The following DLC1 variants were observed in gnomAD, a reference collection of about 807,000 sequenced individuals.
DLC1 encodes the protein DLC1 Rho GTPase activating protein, also known as rho GTPase-activating protein 7.
DLC1 carries 54 observed loss-of-function variants against 140.3 expected under a neutral mutation model. That is an observed-to-expected ratio of 0.38 (90% CI 0.31 to 0.48). The LOEUF is 0.48. Ranked by LOEUF, DLC1 falls within the 20% of genes least tolerant of loss-of-function variation. The pLI, the probability that DLC1 is intolerant of heterozygous loss-of-function variation, is 0.96. For missense variants in DLC1, 2,536 were observed against 1,907.0 expected, an observed-to-expected ratio of 1.33 and a Z score of -6.14; for synonymous variants, 986 against 728.1, an observed-to-expected ratio of 1.35 and a Z score of -5.70.
Position 13,411,871 on chromosome 8 carries a change from T to G in DLC1, c.1024-10252A>C, listed in dbSNP as rs373807711. Among the ~76,000 whole-genome samples the G allele has an allele frequency of 3.3e-5, 5 of 152,300 alleles. No homozygotes were observed. In the East Asian group the frequency reaches 9.6e-4, roughly 29 times the overall value. On this transcript the variant is annotated intron_variant, in intron 2 of 17. Coordinates refer to ENST00000276297, the MANE Select transcript of DLC1 (RefSeq NM_182643.3). The stretch of plus-strand genomic sequence containing the variant: ...TTATCCCTCTTCACATTTTTTTTAG[T>G]GTTTTAGGTAAATCCCAGAGACCAT...
In DLC1 at chr8:13,327,120, ATTTTTTTTT is replaced by A. The variant is rs34667525; in HGVS notation, c.1315-21827_1315-21819del. Among the ~76,000 whole-genome samples, 26 of 85,638 alleles carry A rather than the reference ATTTTTTTTT, an allele frequency of 3.0e-4. No individual in the cohort carries two copies. The South Asian group carries it at 6.5e-3, about 21-fold the overall frequency. The allele number at this position is 85,638 out of a possible 152,430, so 56.2% of individuals were successfully genotyped here. A position where few individuals can be genotyped will look rare whatever the true frequency, so the allele number is the denominator to read the frequency against. ...TAGGCGCCCGCCACCACACCCGGCT[ATTTTTTTTT>A]TTTTTTTTTTTTTTTTTGTATTTTT... is the stretch of plus-strand genomic sequence containing the variant. On this transcript the variant is annotated intron_variant, in intron 4 of 17. Transcript: ENST00000276297.
intron 4 of DLC1, among the ~76,000 whole-genome samples, chr8:13,392,584 T>TA (rs560966957): frequency 2.1e-4 from 32 of 152,280 alleles, no homozygotes; most frequent in African/African-American, 7.7e-4. Context: ...TTGTGTTGCA[T>TA]AAAAAATAAT....
At chr8:13,156,471 G>C (rs1477763401) in intron 5 of DLC1, among the ~76,000 whole-genome samples, 1 of 152,164 alleles carries the variant, frequency 6.6e-6, no homozygotes, top group Non-Finnish European at 1.5e-5. Flanking sequence ...GAGTTGCCCT[G>C]ATGAAAACTC....
chr8:13,086,273 T>A lies in DLC1; in HGVS notation c.4466+17A>T. The A allele has an allele frequency of 6.2e-7, 1 of 1,603,622 alleles. No homozygotes were observed. The highest frequency in any genetic ancestry group is 8.5e-7 in the Non-Finnish European group (1 of 1,173,660). ...TCATGACCCTCACCATATAAAAAAA[T>A]CAGAATCAGAACATACCTTAAGTCA... On this transcript the variant is annotated intron_variant, in intron 17 of 17. Coordinates refer to ENST00000276297, the MANE Select transcript of DLC1 (RefSeq NM_182643.3).
intron 1 of DLC1, among the ~76,000 whole-genome samples, chr8:13,525,025 C>T (rs189503786): frequency 6.1e-4 from 93 of 152,244 alleles, no homozygotes; most frequent in South Asian, 3.9e-3. Flanking sequence ...CCCAAGGCAA[C>T]GACTGATCTG....
intron 1 of DLC1, among the ~76,000 whole-genome samples, chr8:13,580,121 A>ATTTTTTTTTTTTTTTTT (rs71207167): frequency 6.6e-6 from 1 of 150,472 alleles, no homozygotes; most frequent in Non-Finnish European, 1.5e-5. Context: ...AGTTGGTTAC[A>ATTTTTTTTTTTTTTTTT]TTTATTTTTT....
intron 5 of DLC1, among the ~76,000 whole-genome samples, chr8:13,244,539 T>G (rs1330355650): frequency 6.6e-6 from 1 of 152,050 alleles, no homozygotes; most frequent in Non-Finnish European, 1.5e-5. Flanking sequence ...CCTAAAGTGA[T>G]CCTCCCACTT....
rs527614675 is a variant in DLC1, at chr8:13,107,970, G to A, written c.1502+2772C>T. Among the ~76,000 whole-genome samples, 16 of 152,144 alleles carry A rather than the reference G, an allele frequency of 1.1e-4. No individual in the cohort carries two copies. In the South Asian group the frequency reaches 1.5e-3, roughly 14 times the overall value. The stretch of plus-strand genomic sequence containing the variant: ...CTGAGGCAGAGAATTGCTTGAACCT[G>A]GGAGGCGGAGGTTGCAGTGAGCCGA... On this transcript the variant is annotated intron_variant, in intron 7 of 17. Coordinates refer to ENST00000276297, the MANE Select transcript of DLC1 (RefSeq NM_182643.3).
chr8:13,213,597 G>A (rs969056522), intron 5 of DLC1, among the ~76,000 whole-genome samples: 2 of 152,088 alleles, frequency 1.3e-5, no homozygotes, highest in African/African-American at 2.4e-5. Context: ...TTTCATTTCC[G>A]GCGAAAGAAA....
intron 5 of DLC1, among the ~76,000 whole-genome samples, chr8:13,129,237 C>A (rs557415052): frequency 6.6e-6 from 1 of 152,332 alleles, no homozygotes; most frequent in South Asian, 2.1e-4. Flanking sequence ...AGAGGAACAG[C>A]CTTCACCTCC....
At chr8:13,118,004 CTTTTT>C (rs35775672) in intron 5 of DLC1, among the ~76,000 whole-genome samples, 4 of 114,972 alleles carry the variant, frequency 3.5e-5, no homozygotes, top group Admixed American at 8.9e-5. Flanking sequence ...TGTTCTCTTT[CTTTTT>C]TTTTTTTTTT....
chr8:13,318,346 C>T (rs944951952), intron 4 of DLC1, among the ~76,000 whole-genome samples: 1 of 152,012 alleles, frequency 6.6e-6, no homozygotes, highest in Admixed American at 6.6e-5. Flanking sequence ...CTAATATAAT[C>T]TTAATAACTA....
chr8:13,603,817 A>C (rs191891284), intron 1 of DLC1, among the ~76,000 whole-genome samples: 1 of 152,224 alleles, frequency 6.6e-6, no homozygotes, highest in African/African-American at 2.4e-5. Flanking sequence ...CCTCAAAGGC[A>C]ACCGATCATT....
At chr8:13,384,361 T>C (rs1274756063) in intron 4 of DLC1, among the ~76,000 whole-genome samples, 1 of 125,894 alleles carries the variant, frequency 7.9e-6, no homozygotes, top group African/African-American at 2.8e-5. Context: ...AAGACAAAAC[T>C]ATGTGTGTGA....
At chr8:13,587,604 T>TATATATATATATATATATACATTGC (rs1805374040) in intron 1 of DLC1, among the ~76,000 whole-genome samples, 38 of 9,122 alleles carry the variant, frequency 4.2e-3, no homozygotes, top group African/African-American at 0.013. Flanking sequence ...ATACATTGCA[T>TATATATATATATATATATACATTGC]ATATATATAT....
intron 2 of DLC1, among the ~76,000 whole-genome samples, chr8:13,498,062 A>C (rs1003598510): frequency 3.9e-5 from 6 of 152,146 alleles, no homozygotes; most frequent in Non-Finnish European, 5.9e-5. Flanking sequence ...AAAGAACATT[A>C]CTTTTGTGTT....
At chr8:13,420,123 G>T (rs919634882) in intron 2 of DLC1, among the ~76,000 whole-genome samples, 2 of 151,730 alleles carry the variant, frequency 1.3e-5, no homozygotes, top group Non-Finnish European at 2.9e-5. Context: ...TATTAGTCTT[G>T]CTAGCAGTCT....
At chr8:13,289,579 C>T (rs765505552) in intron 5 of DLC1, among the ~76,000 whole-genome samples, 62 of 152,148 alleles carry the variant, frequency 4.1e-4, no homozygotes, top group Non-Finnish European at 1.2e-4. Context: ...AATCCTCCTG[C>T]CTTGGCCTTC....
chr8:13,420,905 T>A (rs1255999069), intron 2 of DLC1, among the ~76,000 whole-genome samples: 2 of 152,162 alleles, frequency 1.3e-5, no homozygotes, highest in African/African-American at 2.4e-5. Flanking sequence ...AAGCCCCATG[T>A]GGCAGAAAGA....
Sources: gnomAD v4.1 joint callset for allele counts (sites outside exome capture counted in the v4.1 genomes callset) on GRCh38, gnomAD v4.1.1 for gene constraint, MANE v1.5 for transcripts, NCBI Gene and HGNC (gene_info 2026-07-23, HGNC 2026-07-21) for gene names.